EML6: variants seen among roughly 807,000 people sequenced by gnomAD.
EML6 encodes echinoderm microtubule-associated protein-like 6.
In EML6, 154 loss-of-function variants were observed where a neutral mutation model predicts 240.1. That is an observed-to-expected ratio of 0.64 (90% CI 0.56 to 0.73). EML6 has a LOEUF of 0.73. EML6 is among the 30% of genes least tolerant of loss of function. The pLI, the probability that EML6 is intolerant of heterozygous loss-of-function variation, is 0.00. For missense variants in EML6, 2,964 were observed against 2,474.6 expected (o/e 1.20, Z -4.20); for synonymous variants, 1,148 against 899.0 (o/e 1.28, Z -4.95).
At chr2:54,862,015 A>T (rs183001801) in intron 12 of EML6, among the ~76,000 whole-genome samples, 1 of 152,126 alleles carries the variant, frequency 6.6e-6, no homozygotes, top group Admixed American at 6.5e-5. Flanking sequence ...AAACTACTCA[A>T]TGAGTTTTGG....
At chr2:54,926,329 T>G (rs1420859437) in intron 26 of EML6, among the ~76,000 whole-genome samples, 3 of 152,262 alleles carry the variant, frequency 2.0e-5, no homozygotes, top group African/African-American at 7.2e-5. Context: ...CTTGAACTCC[T>G]GACCTCAAGT....
chr2:54,793,538 C>T (rs550177419), intron 2 of EML6, among the ~76,000 whole-genome samples: 9 of 152,156 alleles, frequency 5.9e-5, no homozygotes, highest in East Asian at 5.8e-4. Flanking sequence ...TAAATCCTGT[C>T]GAACTTCCTC....
intron 2 of EML6, among the ~76,000 whole-genome samples, chr2:54,753,951 A>G (rs1186987194): frequency 1.3e-5 from 2 of 151,898 alleles, no homozygotes; most frequent in Non-Finnish European, 2.9e-5. Context: ...CCTGACCAAC[A>G]TGGTGACTCC....
At chr2:54,814,806 T>G (rs1430379528) in intron 3 of EML6, among the ~76,000 whole-genome samples, 2 of 152,226 alleles carry the variant, frequency 1.3e-5, no homozygotes, top group African/African-American at 2.4e-5. Flanking sequence ...AGAACTAGAT[T>G]TATTACATAT....
chr2:54,746,807 C>T (rs1311788735), intron 2 of EML6, among the ~76,000 whole-genome samples: 7 of 152,094 alleles, frequency 4.6e-5, no homozygotes, highest in Non-Finnish European at 8.8e-5. Context: ...CTGGGTACCA[C>T]ACAAAAATAA....
At chr2:54,848,791 C>T (rs192492144) in intron 9 of EML6, among the ~76,000 whole-genome samples, 1 of 152,222 alleles carries the variant, frequency 6.6e-6, no homozygotes, top group East Asian at 1.9e-4. Context: ...AGCAGAAATT[C>T]TTAAAAGAAT....
intron 28 of EML6, among the ~76,000 whole-genome samples, chr2:54,932,824 C>G (rs1674931901): frequency 6.6e-6 from 1 of 152,150 alleles, no homozygotes; most frequent in Non-Finnish European, 1.5e-5. Context: ...CTAGAGTTGC[C>G]TGTTAAATTA....
intron 38 of EML6, among the ~76,000 whole-genome samples, chr2:54,966,039 C>G (rs1374529880): frequency 6.6e-6 from 1 of 152,244 alleles, no homozygotes; most frequent in Non-Finnish European, 1.5e-5. Context: ...TAAGTTAGAT[C>G]TCTTTCACTG....
intron 7 of EML6, among the ~76,000 whole-genome samples, chr2:54,835,757 C>T (rs975747432): frequency 1.3e-5 from 2 of 152,036 alleles, no homozygotes; most frequent in African/African-American, 2.4e-5. Flanking sequence ...TTGATTGTCG[C>T]AACTGCAGAG....
At chr2:54,757,930 C>T (rs1178593909) in intron 2 of EML6, among the ~76,000 whole-genome samples, 3 of 133,496 alleles carry the variant, frequency 2.2e-5, no homozygotes, top group African/African-American at 8.3e-5. Flanking sequence ...TTTATCCTTT[C>T]TTCTTGTTCT....
At chr2:54,927,949 C>T (rs1475126330) in intron 26 of EML6, among the ~76,000 whole-genome samples, 1 of 152,226 alleles carries the variant, frequency 6.6e-6, no homozygotes, top group East Asian at 1.9e-4. Flanking sequence ...CACTTTTGAT[C>T]TCAGATGTCA....
intron 2 of EML6, among the ~76,000 whole-genome samples, chr2:54,737,351 T>G (rs1005574070): frequency 6.6e-6 from 1 of 152,150 alleles, no homozygotes; most frequent in Admixed American, 6.5e-5. Flanking sequence ...CAGGTTGGAG[T>G]GCAGTGGCGC....
chr2:54,962,447 G>C (rs967454117), intron 35 of EML6, 76 bp from the exon 36 acceptor site: 3 of 1,129,204 alleles, frequency 2.7e-6, no homozygotes, highest in Non-Finnish European at 3.7e-6. Flanking sequence ...CCATGAATTT[G>C]TCTACTCTAG....
chr2:54,888,741 C>A (rs922936395), intron 17 of EML6, among the ~76,000 whole-genome samples: 1 of 152,156 alleles, frequency 6.6e-6, no homozygotes, highest in African/African-American at 2.4e-5. Context: ...TCTGGATGTA[C>A]CACAGTTTGT....
intron 4 of EML6, among the ~76,000 whole-genome samples, chr2:54,819,286 C>A (rs1668216938): frequency 6.6e-6 from 1 of 152,174 alleles, no homozygotes; most frequent in Non-Finnish European, 1.5e-5. Flanking sequence ...CCATCAGAAT[C>A]TCCTGGAGTC....
At chr2:54,926,883 A>G (rs946762552) in intron 26 of EML6, among the ~76,000 whole-genome samples, 2 of 152,026 alleles carry the variant, frequency 1.3e-5, no homozygotes, top group Non-Finnish European at 2.9e-5. Context: ...CTTGCCATCT[A>G]GAAACCCTGT....
intron 13 of EML6, 114 bp downstream of exon 13, chr2:54,864,003 A>G (rs1215548435): frequency 3.3e-6 from 2 of 607,876 alleles, no homozygotes; most frequent in African/African-American, 3.9e-5. Context: ...TGAGGCAAAA[A>G]CAAGAAAAAT....
chr2:54,786,815 T>C (rs1246330629), intron 2 of EML6, among the ~76,000 whole-genome samples: 2 of 152,254 alleles, frequency 1.3e-5, no homozygotes, highest in African/African-American at 4.8e-5. Context: ...TTCCTCGGAA[T>C]TCATTCCCAC....
chr2:54,839,909 G>GAT (rs1669349334), intron 7 of EML6, among the ~76,000 whole-genome samples: 1 of 152,148 alleles, frequency 6.6e-6, no homozygotes, highest in Non-Finnish European at 1.5e-5. Flanking sequence ...AGGATATATA[G>GAT]ATATATATTT....
Sources: allele counts gnomAD v4.1 joint callset (sites outside exome capture counted in the v4.1 genomes callset), GRCh38; gene constraint gnomAD v4.1.1; transcripts MANE v1.5; gene names NCBI Gene and HGNC (gene_info 2026-07-23, HGNC 2026-07-21).